Variants in SEC16A observed in about 807,000 individuals in gnomAD.
The protein encoded by SEC16A is SEC16 homolog A, endoplasmic reticulum export factor, also known as protein transport protein Sec16A.
In SEC16A, 110 loss-of-function variants were observed where a neutral mutation model predicts 221.9. That is an observed-to-expected ratio of 0.50 (90% CI 0.42 to 0.58). The LOEUF is 0.58. Ranked by LOEUF, SEC16A falls within the 20% of genes least tolerant of loss-of-function variation. The pLI, the probability that SEC16A is intolerant of heterozygous loss-of-function variation, is 0.00. For synonymous variants in SEC16A, 1,393 were observed against 1,257.7 expected, an observed-to-expected ratio of 1.11 and a Z score of -2.28; for missense variants, 3,165 against 3,097.8, an observed-to-expected ratio of 1.02 and a Z score of -0.52.
At chr9:136,452,871 G>C (rs977988879) in intron 22 of SEC16A, among the ~76,000 whole-genome samples, 29 of 146,720 alleles carry the variant, frequency 2.0e-4, no homozygotes, top group African/African-American at 7.1e-4. Flanking sequence ...AGGAGTTTAA[G>C]ACCAGCCTGG....
Position 136,463,588 on chromosome 9 carries a change from TATGGGTGTCGTCTCTGCAGAAA to T in SEC16A, c.4509-9_4521del. 6.2e-7 allele frequency: 1 copy of T among 1,613,766 alleles called. No individual in the cohort carries two copies. The highest frequency in any genetic ancestry group is 1.1e-5 in the South Asian group (1 of 91,082). On this transcript the variant is annotated splice_acceptor_variant and splice_polypyrimidine_tract_variant and coding_sequence_variant and intron_variant, in exon 11 of 32. Transcript: ENST00000684901. LOFTEE classifies it high-confidence loss of function. ...TGTGCAAAATTAATGACATCCACCT[TATGGGTGTCGTCTCTGCAGAAA>T]GAACACACAGTGAGCAGTGATGTCT...
chr9:136,461,239 C>T lies in SEC16A; in HGVS notation c.4929G>A (p.Trp1643Ter). Residue 1643 changes from tryptophan (W) to a stop codon, truncating the protein, a stop_gained, in exon 13 of 32, where the codon TGG becomes TGA. Coordinates refer to ENST00000684901, the MANE Select transcript of SEC16A (RefSeq NM_014866.2). LOFTEE classifies it high-confidence loss of function. ...ALESAMKNGL[W>*]GHALLLASKM... is the part of the protein sequence containing the mutation. The stretch of plus-strand genomic sequence containing the variant: ...TACTTGCAAGTAGCAGAGCGTGACC[C>T]CACAGGCCATTCTTCATTGCAGACT... 6.2e-7 allele frequency: 1 copy of T among 1,609,140 alleles called. No homozygotes were observed. The highest frequency in any genetic ancestry group is 8.5e-7 in the Non-Finnish European group (1 of 1,177,884).
chr9:136,471,901 T>G (rs765609694), intron 4 of SEC16A, 74 bp downstream of exon 4: 61 of 1,548,386 alleles, frequency 3.9e-5, no homozygotes, highest in Non-Finnish European at 4.8e-5. Context: ...AGTCACTAAG[T>G]TATCCCCATA....
chr9:136,458,355 G>A (rs984773261), intron 17 of SEC16A, among the ~76,000 whole-genome samples: 4 of 152,082 alleles, frequency 2.6e-5, no homozygotes, highest in Non-Finnish European at 5.9e-5. Context: ...ACGGCTGGGC[G>A]CGGTGGCTCA....
chr9:136,447,201 G>A lies in SEC16A; in HGVS notation c.6697+26C>T, dbSNP rs755573639. The A allele has an allele frequency of 1.9e-6, 3 of 1,581,302 alleles. No homozygotes were observed. The highest frequency in any genetic ancestry group is 1.7e-4 in the Middle Eastern group (1 of 6,034). On this transcript the variant is annotated intron_variant, in intron 27 of 31. Coordinates refer to ENST00000684901, the MANE Select transcript of SEC16A (RefSeq NM_014866.2). This position sits in a 1 kb window ranked among gnomAD's most constrained non-coding sequence, Gnocchi z 5.5. ...GGTCAGGAGACTGGGGGCTGACCTG[G>A]AGGGGCTGGTGCTCGTGCTACCTAC... is the stretch of plus-strand genomic sequence containing the variant.
rs146737190 is a variant in SEC16A at position 136,444,780 on chromosome 9, G to A, written c.6927+272C>T. 3.3e-4 allele frequency among the ~76,000 whole-genome samples: 50 copies of A among 151,300 alleles called. No individual in the cohort carries two copies. In the East Asian group the frequency reaches 8.8e-3, roughly 27 times the overall value. The stretch of plus-strand genomic sequence containing the variant: ...GTAATCCCAGCTACTCAGGAAGGCC[G>A]AGACAGGAGGATGGCTTGAACCCAG... On this transcript the variant is annotated intron_variant, in intron 30 of 31. Transcript: ENST00000684901.
Position 136,476,503 on chromosome 9 carries a change from A to G in SEC16A, c.1113T>C (p.Ala371=). ...CTCCCCCTTGGAAAAACATCGCCAG[A>G]GCTCCTGAAGCTCCTGAGTCTGCTT... ...PLEADSGASG[A]LAMFFQGGET... The change falls in exon 3 of 32, where the codon GCT becomes GCC. Residue 371 remains alanine (A), a synonymous_variant. Coordinates refer to ENST00000684901, the MANE Select transcript of SEC16A (RefSeq NM_014866.2). 1 of 1,591,214 alleles carries G rather than the reference A, an allele frequency of 6.3e-7. No individual in the cohort carries two copies. The highest frequency in any genetic ancestry group is 1.1e-5 in the South Asian group (1 of 90,454).
intron 13 of SEC16A, among the ~76,000 whole-genome samples, chr9:136,460,826 T>C (rs144364657): frequency 2.6e-5 from 4 of 152,144 alleles, no homozygotes; most frequent in Admixed American, 6.5e-5. Context: ...GGCGTGAGGA[T>C]CACTTGAACC....
chr9:136,463,730 TGCA>T lies in SEC16A; in HGVS notation c.4454_4456del (p.Leu1485del). The T allele has an allele frequency of 6.2e-7, 1 of 1,612,076 alleles. No individual in the cohort carries two copies. Among genetic ancestry groups the T allele is most frequent in the Non-Finnish European group, 8.5e-7 (1 of 1,179,720 alleles). ...CATCTCCTCCTGCTCAGACGTGTGC[TGCA>T]GCAAGGCCTACGAGGAGAGGGCCGT... On this transcript the variant is annotated inframe_deletion, in exon 10 of 32. Transcript: ENST00000684901.
intron 2 of SEC16A, among the ~76,000 whole-genome samples, 97 bp downstream of exon 2, chr9:136,478,612 G>T (rs2133041339): frequency 6.6e-6 from 1 of 152,152 alleles, no homozygotes; most frequent in South Asian, 2.1e-4. Flanking sequence ...AAGGTGGAAG[G>T]ACTGCCAGAG....
upstream of SEC16A, chr9:136,484,545 G>A (rs930108205): frequency 7.7e-7 from 1 of 1,301,664 alleles, no homozygotes; most frequent in Non-Finnish European, 1.0e-6. Context: ...CGCCGTGGTG[G>A]GGGTGCCCGC....
At chr9:136,442,210 A>G (rs1409339468) in intron 31 of SEC16A, among the ~76,000 whole-genome samples, 1 of 152,248 alleles carries the variant, frequency 6.6e-6, no homozygotes, top group Non-Finnish European at 1.5e-5. Context: ...TGGCCAATGC[A>G]GGCATCCACT....
intron 4 of SEC16A, among the ~76,000 whole-genome samples, chr9:136,469,508 A>T (rs776453276): frequency 2.0e-5 from 3 of 152,112 alleles, no homozygotes; most frequent in Non-Finnish European, 4.4e-5. Context: ...ATAAAACAGT[A>T]AAAAAATTAG....
chr9:136,451,825 AG>A (rs551400596), intron 22 of SEC16A, among the ~76,000 whole-genome samples: 387 of 152,372 alleles, frequency 2.5e-3, no homozygotes, highest in Non-Finnish European at 4.2e-3. Context: ...AATTTTTAAT[AG>A]CTCAACCCTC....
intron 30 of SEC16A, 49 bp from the exon 31 acceptor site, chr9:136,443,949 C>T (rs756048118): frequency 7.2e-6 from 10 of 1,392,526 alleles, no homozygotes; most frequent in African/African-American, 5.8e-5. Context: ...TGCACAGCAG[C>T]TGTCACTTCA....
intron 23 of SEC16A, among the ~76,000 whole-genome samples, chr9:136,449,564 T>A (rs1440319717): frequency 6.6e-6 from 1 of 152,054 alleles, no homozygotes; most frequent in African/African-American, 2.4e-5. Flanking sequence ...AATGCTGGGG[T>A]GACAGGCAGG....
chr9:136,484,706 C>T (rs1842771334), upstream of SEC16A: 1 of 1,366,500 alleles, frequency 7.3e-7, no homozygotes, highest in African/African-American at 1.5e-5. Context: ...GCAGGGAGAG[C>T]TTCAGTCCGG....
intron 20 of SEC16A, 54 bp downstream of exon 20, chr9:136,455,547 G>T: frequency 1.4e-6 from 2 of 1,479,402 alleles, no homozygotes; most frequent in Non-Finnish European, 9.0e-7. Context: ...CCATGGCTCA[G>T]CCCACAGGAA....
At chr9:136,472,148 A>C in intron 3 of SEC16A, 37 bp from the exon 4 acceptor site, 1 of 1,609,968 alleles carries the variant, frequency 6.2e-7, no homozygotes, top group Non-Finnish European at 8.5e-7. Context: ...TTAGACACCA[A>C]TCAAGAGCAA....
Sources: gnomAD v4.1 joint callset for allele counts (sites outside exome capture counted in the v4.1 genomes callset) on GRCh38, gnomAD v4.1.1 for gene constraint, Gnocchi (gnomAD v3.1) non-coding constraint, MANE v1.5 for transcripts, NCBI Gene and HGNC (gene_info 2026-07-23, HGNC 2026-07-21) for gene names.